HDAC9: variants seen among roughly 807,000 people sequenced by gnomAD.
HDAC9 encodes MEF-2 interacting transcription repressor (MITR) protein.
In HDAC9, 41 loss-of-function variants were observed where a neutral mutation model predicts 139.4. The ratio of observed to expected loss-of-function variants is 0.29; its 90% CI spans 0.23 to 0.38. The LOEUF is 0.38. HDAC9 is among the 10% of genes least tolerant of loss of function. The probability of loss-of-function intolerance (pLI) is 1.00; values close to 1 mark genes in which losing one functional copy is unlikely to be tolerated. For synonymous variants in HDAC9, 517 were observed against 476.2 expected (o/e 1.09, Z -1.12); for missense variants, 1,147 against 1,297.0 (o/e 0.88, Z 1.78).
chr7:18,670,732 G>T (rs1266361290), intron 12 of HDAC9, among the ~76,000 whole-genome samples: 1 of 151,896 alleles, frequency 6.6e-6, no homozygotes, highest in Non-Finnish European at 1.5e-5. Flanking sequence ...CTTTATATCT[G>T]CCCGATATGC....
chr7:18,457,382 T>C (rs887621848), intron 1 of HDAC9, among the ~76,000 whole-genome samples: 1 of 152,186 alleles, frequency 6.6e-6, no homozygotes, highest in Non-Finnish European at 1.5e-5. Flanking sequence ...TGTGAAGAAA[T>C]AAAATTGCTT....
intron 2 of HDAC9, among the ~76,000 whole-genome samples, chr7:18,583,831 C>T (rs966844081): frequency 6.6e-6 from 1 of 152,126 alleles, no homozygotes; most frequent in African/African-American, 2.4e-5. Flanking sequence ...CTTTTTCTCC[C>T]ACAACTCCCA....
chr7:18,769,906 G>A (rs73317450), intron 16 of HDAC9, among the ~76,000 whole-genome samples: 3,866 of 152,166 alleles, frequency 0.025, 153 homozygotes, highest in African/African-American at 0.089. Context: ...TTACTTAAGA[G>A]GGACCTGTTG....
At chr7:18,938,321 C>T (rs368569880) in intron 23 of HDAC9, among the ~76,000 whole-genome samples, 1 of 150,720 alleles carries the variant, frequency 6.6e-6, no homozygotes, top group Admixed American at 6.7e-5. Context: ...GCTGGCCGGG[C>T]GCGGTGTCTC....
chr7:18,738,180 T>C (rs1222166626), intron 13 of HDAC9, among the ~76,000 whole-genome samples: 1 of 152,234 alleles, frequency 6.6e-6, no homozygotes, highest in Non-Finnish European at 1.5e-5. Flanking sequence ...GTCTCCTGAA[T>C]ACAGCACACT....
intron 22 of HDAC9, among the ~76,000 whole-genome samples, chr7:18,891,465 T>C (rs1216038586): frequency 3.3e-5 from 5 of 152,196 alleles, no homozygotes; most frequent in Non-Finnish European, 7.4e-5. Context: ...CAGGGGACTA[T>C]TTGGCACTTG....
intron 14 of HDAC9, among the ~76,000 whole-genome samples, chr7:18,761,163 A>C (rs1298648191): frequency 6.6e-6 from 1 of 152,230 alleles, no homozygotes; most frequent in African/African-American, 2.4e-5. Flanking sequence ...AGTTAAGGCT[A>C]ATTAACTTCG....
intron 17 of HDAC9, chr7:18,807,903 GC>G (rs1214911751): frequency 6.6e-6 from 1 of 152,158 alleles, no homozygotes; most frequent in East Asian, 1.9e-4. Context: ...TTCTGCTGCT[GC>G]TAGATGGAAT....
chr7:18,453,400 C>G (rs904860980), intron 1 of HDAC9, among the ~76,000 whole-genome samples: 1 of 152,166 alleles, frequency 6.6e-6, no homozygotes, highest in Non-Finnish European at 1.5e-5. Flanking sequence ...TAATAGGCTG[C>G]TGCAAGCACA....
chr7:18,620,513 C>CTT (rs199696034), intron 6 of HDAC9, among the ~76,000 whole-genome samples: 1 of 135,746 alleles, frequency 7.4e-6, no homozygotes, highest in Admixed American at 7.5e-5. Flanking sequence ...CTGAGTGGTA[C>CTT]TTTTTTTTTT....
intron 22 of HDAC9, among the ~76,000 whole-genome samples, chr7:18,876,796 G>A (rs940848718): frequency 1.3e-5 from 2 of 151,398 alleles, no homozygotes; most frequent in Admixed American, 6.6e-5. Flanking sequence ...TCTGCCTCCC[G>A]GGTTTAAGCA....
Position 18,554,327 on chromosome 7 carries a change from C to CT in HDAC9, c.23-30927dup, listed in dbSNP as rs34326798. Among the ~76,000 whole-genome samples the CT allele has an allele frequency of 6.7e-3, 389 of 58,332 alleles. 52 individuals carry two copies. Among genetic ancestry groups the CT allele is most frequent in the African/African-American group, 0.023 (310 of 13,682 alleles). The allele number at this position is 58,332 out of a possible 152,430, so 38.3% of individuals were successfully genotyped here. On this transcript the variant is annotated intron_variant, in intron 2 of 25. Coordinates refer to ENST00000686413, the MANE Select transcript of HDAC9 (RefSeq NM_178425.4). ...GTACACCAACTGGTATTACAGATCA[C>CT]TTTTTTTTTTTTTTTTTTTTTTTTT...
At chr7:18,722,609 G>C (rs1785225786) in intron 12 of HDAC9, among the ~76,000 whole-genome samples, 1 of 152,114 alleles carries the variant, frequency 6.6e-6, no homozygotes, top group African/African-American at 2.4e-5. Flanking sequence ...AGCTCAAGAA[G>C]GATGCTTTTG....
At chr7:18,272,962 CTACTAT>C (rs1204055346) in intron 2 of HDAC9, among the ~76,000 whole-genome samples, 118 of 141,558 alleles carry the variant, frequency 8.3e-4, no homozygotes, top group Non-Finnish European at 1.4e-3. Flanking sequence ...ACTACTACTA[CTACTAT>C]TTCTTCCTCC....
chr7:18,381,237 AAAAAT>A (rs1785420130), intron 1 of HDAC9, among the ~76,000 whole-genome samples: 1 of 150,848 alleles, frequency 6.6e-6, no homozygotes, highest in Non-Finnish European at 1.5e-5. Flanking sequence ...GAAAAAAAAG[AAAAAT>A]AAAATAAAAT....
intron 21 of HDAC9, among the ~76,000 whole-genome samples, chr7:18,837,723 C>G (rs911191099): frequency 6.6e-6 from 1 of 152,062 alleles, no homozygotes; most frequent in African/African-American, 2.4e-5. Flanking sequence ...TTTCCCATCA[C>G]AAAGTGAGCG....
chr7:18,540,404 T>C (rs761773066), intron 2 of HDAC9, among the ~76,000 whole-genome samples: 21 of 152,150 alleles, frequency 1.4e-4, no homozygotes, highest in Admixed American at 6.5e-5. Flanking sequence ...ATTCTTTCCT[T>C]TAACAAATAT....
intron 1 of HDAC9, among the ~76,000 whole-genome samples, chr7:18,156,623 A>G (rs1379130326): frequency 6.6e-6 from 1 of 152,216 alleles, no homozygotes; most frequent in Non-Finnish European, 1.5e-5. Context: ...GGGGGTTACA[A>G]AGATGAATGT....
At chr7:18,794,301 C>T (rs1351699549) in intron 17 of HDAC9, among the ~76,000 whole-genome samples, 2 of 132,184 alleles carry the variant, frequency 1.5e-5, no homozygotes, top group Non-Finnish European at 3.2e-5. Context: ...AACATATGCA[C>T]TGTGAGTTTT....
Sources: allele counts gnomAD v4.1 joint callset (sites outside exome capture counted in the v4.1 genomes callset), GRCh38; gene constraint gnomAD v4.1.1; transcripts MANE v1.5; gene names NCBI Gene and HGNC (gene_info 2026-07-23, HGNC 2026-07-21).